The following PPP3CB variants were observed in gnomAD, a reference collection of about 807,000 sequenced individuals.
PPP3CB encodes serine/threonine-protein phosphatase 2B catalytic subunit beta isoform.
In PPP3CB, 8 loss-of-function variants were observed where a neutral mutation model predicts 66.4. The ratio of observed to expected loss-of-function variants is 0.12; its 90% CI spans 0.07 to 0.22. The LOEUF (loss-of-function observed/expected upper bound fraction) is 0.22. Among genes scored for constraint, PPP3CB ranks in the 10% least tolerant of loss-of-function variants. The pLI is 1.00. For missense variants in PPP3CB, 319 were observed against 642.5 expected (o/e 0.50, Z 5.44); for synonymous variants, 208 against 221.2 (o/e 0.94, Z 0.53).
At chr10:73,473,189 TAA>T (rs1272216460) in intron 4 of PPP3CB, among the ~76,000 whole-genome samples, 7 of 152,202 alleles carry the variant, frequency 4.6e-5, no homozygotes, top group African/African-American at 1.7e-4. Flanking sequence ...CTTGAAGTTA[TAA>T]GAGTATGCCA....
rs150978710 is a variant in PPP3CB at position 73,463,590 on chromosome 10, C to T, written c.1108+3963G>A. 9.2e-5 allele frequency among the ~76,000 whole-genome samples: 14 copies of T among 152,342 alleles called. No individual in the cohort carries two copies. In the East Asian group the frequency reaches 2.5e-3, roughly 27 times the overall value. The stretch of plus-strand genomic sequence containing the variant: ...GTTGCTCATATCCACCAGCACAATT[C>T]CACCATTCTTCAAGCCCCTGTTCAA... On this transcript the variant is annotated intron_variant, in intron 9 of 13. Coordinates refer to ENST00000360663, the MANE Select transcript of PPP3CB (RefSeq NM_021132.4).
chr10:73,492,260 C>G (rs955295286), intron 1 of PPP3CB, among the ~76,000 whole-genome samples: 4 of 152,152 alleles, frequency 2.6e-5, no homozygotes, highest in Non-Finnish European at 5.9e-5. Flanking sequence ...CTAAAATGAA[C>G]ATATGCCCAA....
chr10:73,470,093 G>A (rs2056679071), intron 8 of PPP3CB, among the ~76,000 whole-genome samples: 1 of 152,080 alleles, frequency 6.6e-6, no homozygotes, highest in South Asian at 2.1e-4. Flanking sequence ...CAGGGAAGGT[G>A]GGGAAATGAA....
intron 1 of PPP3CB, among the ~76,000 whole-genome samples, chr10:73,485,938 G>A (rs867977483): frequency 6.2e-5 from 8 of 129,326 alleles, no homozygotes; most frequent in African/African-American, 2.1e-4. Flanking sequence ...GTGTGTGTGT[G>A]TGTGTGTGTG....
intron 12 of PPP3CB, among the ~76,000 whole-genome samples, chr10:73,440,633 C>G (rs1303669874): frequency 1.3e-5 from 2 of 152,066 alleles, no homozygotes; most frequent in Non-Finnish European, 2.9e-5. Context: ...ACATCTATAG[C>G]CTTAAAAAAT....
intron 2 of PPP3CB, 50 bp downstream of exon 2, chr10:73,479,267 A>C (rs2056836950): frequency 1.3e-6 from 2 of 1,523,798 alleles, no homozygotes; most frequent in East Asian, 4.5e-5. Context: ...AATCCAGGCA[A>C]CTAAATAATG....
At chr10:73,465,526 C>T (rs532162798) in intron 9 of PPP3CB, among the ~76,000 whole-genome samples, 1 of 152,224 alleles carries the variant, frequency 6.6e-6, no homozygotes, top group South Asian at 2.1e-4. Context: ...GGCACCACTG[C>T]ACTCTAGTCT....
chr10:73,454,377 A>G lies in PPP3CB; in HGVS notation c.1186+35T>C, dbSNP rs769750766. On this transcript the variant is annotated intron_variant, in intron 10 of 13. Transcript: ENST00000360663. Reference sequence around the variant, plus strand: ...AGGCAGTAAAGAAATACCATTTCACAGTAAAAAAAAAAATAGTAAGATGAA... The same window carrying G: ...AGGCAGTAAAGAAATACCATTTCACGGTAAAAAAAAAAATAGTAAGATGAA... The G allele has an allele frequency of 2.1e-6, 3 of 1,413,998 alleles. No individual in the cohort carries two copies. In the South Asian group the frequency reaches 3.6e-5, roughly 17 times the overall value. The allele number at this position is 1,413,998 out of a possible 1,614,324, so 87.6% of individuals were successfully genotyped here. A position where few individuals can be genotyped will look rare whatever the true frequency, so the allele number is the denominator to read the frequency against.
chr10:73,472,523 T>C (rs1424295415), intron 4 of PPP3CB, among the ~76,000 whole-genome samples: 2 of 151,890 alleles, frequency 1.3e-5, no homozygotes, highest in African/African-American at 2.4e-5. Context: ...AAGAAATCTC[T>C]TAAAAACAGC....
chr10:73,483,066 G>A (rs777311528), intron 1 of PPP3CB, among the ~76,000 whole-genome samples: 4 of 152,088 alleles, frequency 2.6e-5, no homozygotes, highest in Non-Finnish European at 2.9e-5. Flanking sequence ...ATGTTTTCAC[G>A]CACACTGTGA....
At chr10:73,487,632 T>C (rs2057004052) in intron 1 of PPP3CB, among the ~76,000 whole-genome samples, 1 of 150,392 alleles carries the variant, frequency 6.6e-6, no homozygotes, top group Admixed American at 6.6e-5. Context: ...GAATTAATGA[T>C]TATAGTTTCC....
chr10:73,471,031 A>T (rs750039863), intron 6 of PPP3CB, 39 bp downstream of exon 6: 3 of 1,599,532 alleles, frequency 1.9e-6, no homozygotes, highest in Non-Finnish European at 2.6e-6. Context: ...TGCTATGTTA[A>T]CAACTAAAAT....
chr10:73,490,999 A>G (rs1244531609), intron 1 of PPP3CB, among the ~76,000 whole-genome samples: 1 of 102,332 alleles, frequency 9.8e-6, no homozygotes, highest in African/African-American at 3.4e-5. Flanking sequence ...CACCCTGCTA[A>G]TTTTTGTTTG....
Position 73,489,397 on chromosome 10 carries a change from T to C in PPP3CB, c.85+6408A>G, listed in dbSNP as rs188585170. 6.4e-4 allele frequency among the ~76,000 whole-genome samples: 81 copies of C among 125,884 alleles called. 1 individual carries two copies. Among genetic ancestry groups the C allele is most frequent in the African/African-American group, 2.5e-3 (70 of 27,924 alleles). The allele number at this position is 125,884 out of a possible 152,430, so 82.6% of individuals were successfully genotyped here. A position where few individuals can be genotyped will look rare whatever the true frequency, so the allele number is the denominator to read the frequency against. The stretch of plus-strand genomic sequence containing the variant: ...ACAAGATACTGGGTCACTATTCTAC[T>C]TTAAAACCTTCAATAATAATAATAA... On this transcript the variant is annotated intron_variant, in intron 1 of 13. Coordinates refer to ENST00000360663, the MANE Select transcript of PPP3CB (RefSeq NM_021132.4).
chr10:73,464,650 C>T (rs75781614), intron 9 of PPP3CB, among the ~76,000 whole-genome samples: 7,536 of 152,058 alleles, frequency 0.05, 564 homozygotes, highest in African/African-American at 0.16. Flanking sequence ...AATTAATAAA[C>T]GTTTTTGGCA....
chr10:73,460,364 A>T (rs1191168641), intron 9 of PPP3CB, among the ~76,000 whole-genome samples: 1 of 151,988 alleles, frequency 6.6e-6, no homozygotes, highest in Non-Finnish European at 1.5e-5. Context: ...AGATTTGAAT[A>T]ATTTATAAAA....
chr10:73,460,471 A>T (rs1218348762), intron 9 of PPP3CB, among the ~76,000 whole-genome samples: 1 of 152,268 alleles, frequency 6.6e-6, no homozygotes, highest in East Asian at 1.9e-4. Flanking sequence ...GACAAGTTAG[A>T]CTGGCTTGAA....
intron 3 of PPP3CB, among the ~76,000 whole-genome samples, chr10:73,475,548 G>C (rs1486476702): frequency 1.3e-5 from 2 of 152,158 alleles, no homozygotes; most frequent in East Asian, 3.9e-4. Flanking sequence ...CTAAGTGATG[G>C]AGATAGGATT....
chr10:73,454,558 AT>A, intron 9 of PPP3CB, 69 bp from the exon 10 acceptor site: 1 of 960,920 alleles, frequency 1.0e-6, no homozygotes, highest in South Asian at 1.7e-5. Context: ...CATAGCAACT[AT>A]TTTTACAAAT....
Sources: allele counts gnomAD v4.1 joint callset (sites outside exome capture counted in the v4.1 genomes callset), GRCh38; gene constraint gnomAD v4.1.1; transcripts MANE v1.5; gene names NCBI Gene and HGNC (gene_info 2026-07-23, HGNC 2026-07-21).